The following DEGS1 variants were observed in gnomAD, a reference collection of about 807,000 sequenced individuals.
DEGS1 encodes the protein delta 4-desaturase, sphingolipid 1.
A neutral mutation model predicts 24.1 loss-of-function variants in DEGS1; 17 were observed. That is an observed-to-expected ratio of 0.70 (90% confidence interval 0.48 to 1.06). The LOEUF is 1.06. Ranked by LOEUF, DEGS1 falls within the 50% of genes least tolerant of loss-of-function variation. The pLI, the probability that DEGS1 is intolerant of heterozygous loss-of-function variation, is 0.00. For synonymous variants in DEGS1, 134 were observed against 140.0 expected (o/e 0.96, Z 0.30); for missense variants, 366 against 408.9 (o/e 0.90, Z 0.91).
At position 224,188,859 on chromosome 1, in the gene DEGS1, G is replaced by A. The variant is rs1191070229; in HGVS notation, c.83-718G>A. Reference sequence around the variant, plus strand: ...ATTTCTCTGTTTTCTTTTGTCACTTGTACTTGTTATAGTATCTAAGAAACC... The same window carrying A: ...ATTTCTCTGTTTTCTTTTGTCACTTATACTTGTTATAGTATCTAAGAAACC... On this transcript the variant is annotated intron_variant, in intron 1 of 2. Coordinates refer to ENST00000323699, the MANE Select transcript of DEGS1 (RefSeq NM_003676.4). 3.9e-5 allele frequency among the ~76,000 whole-genome samples: 6 copies of A among 151,912 alleles called. No individual in the cohort carries two copies. In the South Asian group the frequency reaches 8.4e-4, roughly 21 times the overall value.
At chr1:224,191,278 T>C (rs1190965516) in intron 2 of DEGS1, 1 of 151,698 alleles carries the variant, frequency 6.6e-6, no homozygotes, top group Non-Finnish European at 1.5e-5. Context: ...TAGTCCCAGC[T>C]ACTCGGGAGG....
intron 1 of DEGS1, among the ~76,000 whole-genome samples, chr1:224,185,615 C>T (rs961815622): frequency 1.3e-5 from 2 of 152,122 alleles, no homozygotes; most frequent in Non-Finnish European, 2.9e-5. Context: ...TTCTGCCTGC[C>T]CCAGTCTCCC....
rs1223917577 is a variant in DEGS1, at chr1:224,189,905, T to C, written c.411T>C (p.Ala137=). 4 of 1,614,118 alleles carry C rather than the reference T, an allele frequency of 2.5e-6. No individual in the cohort carries two copies. The highest frequency in any genetic ancestry group is 2.7e-5 in the African/African-American group (2 of 74,944). ...TGGATCATCATCGGTACCTTGGAGCTGATGGCGTCGATGTAGATATTCCTA... is the reference window on the plus strand; with the variant it reads ...TGGATCATCATCGGTACCTTGGAGCCGATGGCGTCGATGTAGATATTCCTA... ...YHMDHHRYLG[A]DGVDVDIPTD... The change falls in exon 2 of 3, where the codon GCT becomes GCC. Residue 137 remains alanine (A), a synonymous_variant. Coordinates refer to ENST00000323699, the MANE Select transcript of DEGS1 (RefSeq NM_003676.4).
At position 224,189,581 on chromosome 1, in the gene DEGS1, G is replaced by A. The variant is rs1658479280; in HGVS notation, c.87G>A (p.Lys29=). 4 of 1,574,144 alleles carry A rather than the reference G, an allele frequency of 2.5e-6. No homozygotes were observed. Among genetic ancestry groups the A allele is most frequent in the East Asian group, 2.2e-5 (1 of 44,446 alleles). The change falls in exon 2 of 3, where the codon AAG becomes AAA. Residue 29 remains lysine (K), a synonymous_variant. Coordinates refer to ENST00000323699, the MANE Select transcript of DEGS1 (RefSeq NM_003676.4). ...HADRRREILA[K]YPEIKSLMKP... is the part of the protein sequence containing the mutation. The stretch of plus-strand genomic sequence containing the variant: ...TTTTTTGTTTTTTCTTTACAGCAAA[G>A]TATCCAGAGATAAAGTCCTTGATGA...
At chr1:224,188,458 C>T (rs1658449517) in intron 1 of DEGS1, among the ~76,000 whole-genome samples, 1 of 152,122 alleles carries the variant, frequency 6.6e-6, no homozygotes, top group African/African-American at 2.4e-5. Flanking sequence ...GCAGCTGCAC[C>T]ATTTTATATT....
At chr1:224,184,072 A>G (rs1658311991) in intron 1 of DEGS1, among the ~76,000 whole-genome samples, 1 of 152,180 alleles carries the variant, frequency 6.6e-6, no homozygotes, top group Non-Finnish European at 1.5e-5. Context: ...ATTGATCCTC[A>G]CGACAAGCCT....
Position 224,189,680 on chromosome 1 carries a change from AGACT to A in DEGS1, c.187_190del (p.Asp63TrpfsTer21). On this transcript the variant is annotated frameshift_variant, in exon 2 of 3. Coordinates refer to ENST00000323699, the MANE Select transcript of DEGS1 (RefSeq NM_003676.4). LOFTEE classifies it high-confidence loss of function. ...AGTTGGGTGCATTTTACATAGTAAAAGACTTGGACTGGAAATGGGTCATATTTGG... is the reference window on the plus strand; with the variant it reads ...AGTTGGGTGCATTTTACATAGTAAAATGGACTGGAAATGGGTCATATTTGG... 1 of 1,614,208 alleles carries A rather than the reference AGACT, an allele frequency of 6.2e-7. No homozygotes were observed. Among genetic ancestry groups the A allele is most frequent in the Non-Finnish European group, 8.5e-7 (1 of 1,180,042 alleles).
At position 224,186,441 on chromosome 1, in the gene DEGS1, T is replaced by C. The variant is rs185354014; in HGVS notation, c.82+3023T>C. ...GGACCACATATTTCTTGGCCGGGCA[T>C]GGTGGCTCACGCCTGTAATCCCAGC... On this transcript the variant is annotated intron_variant, in intron 1 of 2. Transcript: ENST00000323699. Among the ~76,000 whole-genome samples the C allele has an allele frequency of 5.4e-4, 82 of 152,202 alleles. 1 individual carries two copies. Among genetic ancestry groups the C allele is most frequent in the East Asian group, 1.5e-3 (8 of 5,178 alleles).
At chr1:224,184,595 T>C (rs1192834052) in intron 1 of DEGS1, among the ~76,000 whole-genome samples, 1 of 152,156 alleles carries the variant, frequency 6.6e-6, no homozygotes, top group African/African-American at 2.4e-5. Flanking sequence ...CGCTGCAACC[T>C]CTGCCTCCTG....
chr1:224,185,618 A>C (rs1658364504), intron 1 of DEGS1, among the ~76,000 whole-genome samples: 1 of 152,050 alleles, frequency 6.6e-6, no homozygotes, highest in Admixed American at 6.6e-5. Flanking sequence ...TGCCTGCCCC[A>C]GTCTCCCGAG....
In DEGS1 at chr1:224,192,586, A is replaced by G. The variant is rs1658571140; in HGVS notation, c.*108A>G. On this transcript the variant is annotated 3_prime_UTR_variant, in exon 3 of 3. Transcript: ENST00000323699. ...GATGCTCAGAAGCTCCCCTGGCACAATTTCAGAGTAAGAGCTCGGTGATAC... is the reference window on the plus strand; with the variant it reads ...GATGCTCAGAAGCTCCCCTGGCACAGTTTCAGAGTAAGAGCTCGGTGATAC... 1.5e-5 allele frequency: 16 copies of G among 1,074,616 alleles called. No individual in the cohort carries two copies. Among genetic ancestry groups the G allele is most frequent in the Non-Finnish European group, 2.1e-5 (16 of 746,400 alleles). The allele number at this position is 1,074,616 out of a possible 1,614,324, so 66.6% of individuals were successfully genotyped here. A position where few individuals can be genotyped will look rare whatever the true frequency, so the allele number is the denominator to read the frequency against.
Position 224,190,314 on chromosome 1 carries a change from C to T in DEGS1, c.820C>T (p.Pro274Ser). The change falls in exon 2 of 3, where the codon CCA becomes TCA. Residue 274 changes from proline (P) to serine (S), a missense_variant. Physicochemically the swap from Pro to Ser is moderately conservative, Grantham distance 74. Coordinates refer to ENST00000323699, the MANE Select transcript of DEGS1 (RefSeq NM_003676.4). ...CCCCAACATTCCTGGAAAAAGTCTT[C>T]CACTGGTAAGTAAAGGATTTGATAC... is the stretch of plus-strand genomic sequence containing the variant. The part of the protein sequence containing the change: ...DFPNIPGKSL[P>S]LVRKIAAEYY... 6.7e-7 allele frequency: 1 copy of T among 1,490,354 alleles called. No individual in the cohort carries two copies. The highest frequency in any genetic ancestry group is 1.5e-5 in the South Asian group (1 of 67,918). The allele number at this position is 1,490,354 out of a possible 1,614,324, so 92.3% of individuals were successfully genotyped here.
chr1:224,183,943 A>C, intron 1 of DEGS1: 1 of 152,828 alleles, frequency 6.5e-6, no homozygotes, highest in East Asian at 1.9e-4. Flanking sequence ...GGCGGGCAGT[A>C]CTGGCGGGGG....
intron 2 of DEGS1, among the ~76,000 whole-genome samples, chr1:224,191,389 CAAA>C (rs111834890): frequency 8.1e-6 from 1 of 123,076 alleles, no homozygotes; most frequent in African/African-American, 3.0e-5. Context: ...AACTCCGTCT[CAAA>C]AAAAAAAAAA....
Position 224,183,416 on chromosome 1 carries a change from T to C in DEGS1, c.80T>C (p.Leu27Pro). 1 of 1,415,536 alleles carries C rather than the reference T, an allele frequency of 7.1e-7. No individual in the cohort carries two copies. Among genetic ancestry groups the C allele is most frequent in the East Asian group, 3.1e-5 (1 of 32,548 alleles). The allele number at this position is 1,415,536 out of a possible 1,614,324, so 87.7% of individuals were successfully genotyped here. The change falls in exon 1 of 3, where the codon CTG becomes CCG. Residue 27 changes from leucine to proline, a missense_variant and splice_region_variant. Leu to Pro is a moderately conservative substitution (Grantham distance 98). Transcript: ENST00000323699. ...CACGCCGACCGGCGCCGGGAGATCC[T>C]GGGTGAGGGCCAGCGGGCGCCCCGT... ...QPHADRRREI[L>P]AKYPEIKSLM...
intron 1 of DEGS1, among the ~76,000 whole-genome samples, chr1:224,186,179 G>A (rs1658383578): frequency 1.3e-5 from 2 of 152,030 alleles, no homozygotes; most frequent in Non-Finnish European, 2.9e-5. Flanking sequence ...ATGGTGGCAT[G>A]TGCCTGTGGT....
intron 1 of DEGS1, among the ~76,000 whole-genome samples, chr1:224,186,901 T>C (rs1317807007): frequency 1.3e-5 from 2 of 152,180 alleles, no homozygotes; most frequent in African/African-American, 2.4e-5. Context: ...TCTGAAAGTA[T>C]TGACTTTTTG....
chr1:224,183,266 G>A lies in DEGS1; in HGVS notation c.-71G>A. 1 of 1,374,760 alleles carries A rather than the reference G, an allele frequency of 7.3e-7. No individual in the cohort carries two copies. Among genetic ancestry groups the A allele is most frequent in the Non-Finnish European group, 9.6e-7 (1 of 1,036,824 alleles). The allele number at this position is 1,374,760 out of a possible 1,614,324, so 85.2% of individuals were successfully genotyped here. A position where few individuals can be genotyped will look rare whatever the true frequency, so the allele number is the denominator to read the frequency against. On this transcript the variant is annotated 5_prime_UTR_variant, in exon 1 of 3. Transcript: ENST00000323699. ...CCACACCAGCCGGGGAGCCGCCGCC[G>A]CCGCCGCCACCTCTGAGCAGCCGGC... is the stretch of plus-strand genomic sequence containing the variant.
chr1:224,185,359 T>A (rs1428253477), intron 1 of DEGS1, among the ~76,000 whole-genome samples: 1 of 152,148 alleles, frequency 6.6e-6, no homozygotes, highest in Non-Finnish European at 1.5e-5. Context: ...AGAGAAAGGG[T>A]CTTGCTTTGT....
Sources: gnomAD v4.1 joint callset for allele counts (sites outside exome capture counted in the v4.1 genomes callset) on GRCh38, gnomAD v4.1.1 for gene constraint, MANE v1.5 for transcripts, NCBI Gene and HGNC (gene_info 2026-07-23, HGNC 2026-07-21) for gene names.